MEIS2: variants seen among roughly 807,000 people sequenced by gnomAD.
The protein encoded by MEIS2 is homeobox protein Meis2.
A neutral mutation model predicts 58.6 loss-of-function variants in MEIS2; 9 were observed. That is an observed-to-expected ratio of 0.15 (90% CI 0.09 to 0.27). MEIS2 has a LOEUF of 0.27. Among genes scored for constraint, MEIS2 ranks in the 10% least tolerant of loss-of-function variants. The probability of loss-of-function intolerance (pLI) is 1.00; values close to 1 mark genes in which losing one functional copy is unlikely to be tolerated. For synonymous variants in MEIS2, 221 were observed against 228.4 expected, an observed-to-expected ratio of 0.97 and a Z score of 0.29; for missense variants, 427 against 635.0, an observed-to-expected ratio of 0.67 and a Z score of 3.52.
chr15:37,052,303 TCAGCA>T (rs1482509391), intron 7 of MEIS2, among the ~76,000 whole-genome samples: 2 of 152,222 alleles, frequency 1.3e-5, no homozygotes, highest in Non-Finnish European at 2.9e-5. Context: ...CATGCCAGTT[TCAGCA>T]GGCTGTATCT....
At chr15:37,058,859 T>C (rs1275224654) in intron 7 of MEIS2, among the ~76,000 whole-genome samples, 1 of 152,148 alleles carries the variant, frequency 6.6e-6, no homozygotes, top group Non-Finnish European at 1.5e-5. Flanking sequence ...GAGGTGACCC[T>C]TTTCCAGGGG....
In MEIS2 at chr15:36,897,111, G is replaced by A. The variant is rs1488089610; in HGVS notation, c.978-425C>T. The stretch of plus-strand genomic sequence containing the variant: ...GGCTCTAGCACTCGGCTTTCACAAG[G>A]TATTGTTAGGTCAGCAAAGCCATCA... On this transcript the variant is annotated intron_variant, in intron 9 of 11. Transcript: ENST00000561208. The A allele has an allele frequency of 4.1e-5, 7 of 171,752 alleles. No individual in the cohort carries two copies. In the East Asian group the frequency reaches 1.1e-3, roughly 26 times the overall value. 10.6% of individuals were successfully genotyped at this position (171,752 alleles called of 1,614,324 possible). A position where few individuals can be genotyped will look rare whatever the true frequency, so the allele number is the denominator to read the frequency against.
chr15:37,064,558 T>G lies in MEIS2; in HGVS notation c.754+19213A>C, dbSNP rs1596052189. On this transcript the variant is annotated intron_variant, in intron 7 of 11. Coordinates refer to ENST00000561208, the MANE Select transcript of MEIS2 (RefSeq NM_170675.5). ...AGTTACATTTAGGCTAATTTCTTAC[T>G]GCTATGCAAAATGGAATACTATTTT... Among the ~76,000 whole-genome samples, 5 of 152,326 alleles carry G rather than the reference T, an allele frequency of 3.3e-5. No homozygotes were observed. In the South Asian group the frequency reaches 8.3e-4, roughly 25 times the overall value.
At chr15:37,003,957 C>T (rs903300595) in intron 8 of MEIS2, among the ~76,000 whole-genome samples, 10 of 152,144 alleles carry the variant, frequency 6.6e-5, no homozygotes, top group African/African-American at 2.4e-4. Flanking sequence ...TTCCCAGCCT[C>T]CAGGACTGTG....
At chr15:36,939,885 A>G (rs998740544) in intron 9 of MEIS2, among the ~76,000 whole-genome samples, 2 of 152,204 alleles carry the variant, frequency 1.3e-5, no homozygotes, top group Non-Finnish European at 2.9e-5. Flanking sequence ...TACTTAGGGT[A>G]TGGGACGGGT....
intron 9 of MEIS2, among the ~76,000 whole-genome samples, chr15:36,920,490 T>C (rs1424806680): frequency 6.6e-6 from 1 of 152,214 alleles, no homozygotes; most frequent in African/African-American, 2.4e-5. Flanking sequence ...TATAAAAGAA[T>C]TCTTAGAGAT....
intron 8 of MEIS2, among the ~76,000 whole-genome samples, chr15:37,002,115 G>A (rs1472350757): frequency 6.6e-6 from 1 of 152,166 alleles, no homozygotes; most frequent in South Asian, 2.1e-4. Flanking sequence ...CTTAACCAAT[G>A]TGGTCTCTAG....
At chr15:37,093,151 C>T (rs1893753654) in intron 6 of MEIS2, among the ~76,000 whole-genome samples, 3 of 152,174 alleles carry the variant, frequency 2.0e-5, no homozygotes, top group Admixed American at 2.0e-4. Flanking sequence ...ACTAGGAAAT[C>T]AGCACTCACT....
Position 37,098,219 on chromosome 15 carries a change from G to C in MEIS2, c.13-20C>G. 2 of 1,569,754 alleles carry C rather than the reference G, an allele frequency of 1.3e-6. No individual in the cohort carries two copies. The highest frequency in any genetic ancestry group is 1.7e-6 in the Non-Finnish European group (2 of 1,152,970). On this transcript the variant is annotated intron_variant, in intron 1 of 11. Coordinates refer to ENST00000561208, the MANE Select transcript of MEIS2 (RefSeq NM_170675.5). The stretch of plus-strand genomic sequence containing the variant: ...ATCGTACTGTCAGAACCCGGGAAGG[G>C]GGAGGGGGCGCAGGAGGTGAGGGAG...
At chr15:37,066,544 G>T (rs367773489) in intron 7 of MEIS2, 3 of 152,040 alleles carry the variant, frequency 2.0e-5, no homozygotes, top group African/African-American at 7.3e-5. Context: ...AATTCTGGGG[G>T]AATCAAACAA....
intron 8 of MEIS2, among the ~76,000 whole-genome samples, chr15:37,013,217 G>C (rs373667147): frequency 6.6e-6 from 1 of 152,102 alleles, no homozygotes. Flanking sequence ...CTGAAGAAAC[G>C]AGAGAGAAAG....
chr15:36,898,803 C>T (rs2056318987), intron 9 of MEIS2: 1 of 152,162 alleles, frequency 6.6e-6, no homozygotes, highest in South Asian at 2.1e-4. Flanking sequence ...AAAACGAGGT[C>T]CGCTCAAAAG....
intron 9 of MEIS2, among the ~76,000 whole-genome samples, chr15:36,916,381 C>T (rs987670205): frequency 4.0e-5 from 6 of 150,172 alleles, no homozygotes; most frequent in East Asian, 3.9e-4. Flanking sequence ...GAGCTGAGAC[C>T]GCACCGCTGC....
chr15:36,935,312 G>T (rs2058126675), intron 9 of MEIS2, among the ~76,000 whole-genome samples: 1 of 151,250 alleles, frequency 6.6e-6, no homozygotes. Flanking sequence ...TAAGCCAAAA[G>T]CCATCCAGTA....
At chr15:36,970,201 G>A (rs531402505) in intron 8 of MEIS2, among the ~76,000 whole-genome samples, 57 of 151,950 alleles carry the variant, frequency 3.8e-4, no homozygotes, top group East Asian at 3.1e-3. Flanking sequence ...CAGGAGATCC[G>A]GACCATCCTG....
chr15:36,975,817 C>A (rs2059729499), intron 8 of MEIS2, among the ~76,000 whole-genome samples: 3 of 151,936 alleles, frequency 2.0e-5, no homozygotes, highest in Admixed American at 6.6e-5. Context: ...TGACTACAGT[C>A]AAAAACAATG....
chr15:36,892,200 T>C lies in MEIS2; in HGVS notation c.1407A>G (p.Gly469=). Residue 469 remains glycine (G), a synonymous_variant, in exon 12 of 12, where the codon GGA becomes GGG. Transcript: ENST00000561208. ...MLNSVDPNVG[G]QVMDIHAQ is the part of the protein sequence containing the mutation. ...ATTGGGCATGAATGTCCATAACCTGTCCGCCAACATTGGGATCTACAGAAT... is the reference window on the plus strand; with the variant it reads ...ATTGGGCATGAATGTCCATAACCTGCCCGCCAACATTGGGATCTACAGAAT... 6.2e-7 allele frequency: 1 copy of C among 1,614,220 alleles called. No homozygotes were observed. The highest frequency in any genetic ancestry group is 1.1e-5 in the South Asian group (1 of 91,084).
chr15:36,928,039 A>G (rs866205836), intron 9 of MEIS2, among the ~76,000 whole-genome samples: 5 of 152,342 alleles, frequency 3.3e-5, no homozygotes, highest in South Asian at 2.1e-4. Flanking sequence ...TTTAGAAGCC[A>G]TGAAGTGCTC....
chr15:37,094,779 G>A (rs1364316856), intron 4 of MEIS2, among the ~76,000 whole-genome samples: 2 of 151,962 alleles, frequency 1.3e-5, no homozygotes, highest in African/African-American at 4.8e-5. Context: ...TGGCCACGGG[G>A]TAGGAATCTG....
Sources: gnomAD v4.1 joint callset for allele counts (sites outside exome capture counted in the v4.1 genomes callset) on GRCh38, gnomAD v4.1.1 for gene constraint, MANE v1.5 for transcripts, NCBI Gene and HGNC (gene_info 2026-07-23, HGNC 2026-07-21) for gene names.